PALM2AKAP2: variants seen among roughly 807,000 people sequenced by gnomAD.
The protein encoded by PALM2AKAP2 is PALM2 and AKAP2 fusion, also known as PALM2-AKAP2 fusion protein.
Under a neutral mutation model 71.5 loss-of-function variants are expected in PALM2AKAP2, and 37 were observed. The observed-to-expected ratio is 0.52, with a 90% confidence interval of 0.40 to 0.68. The LOEUF is 0.68. Among genes scored for constraint, PALM2AKAP2 ranks in the 30% least tolerant of loss-of-function variants. The pLI is 0.00. For missense variants in PALM2AKAP2, 1,224 were observed against 1,191.8 expected, an observed-to-expected ratio of 1.03 and a Z score of -0.40; for synonymous variants, 468 against 478.8, an observed-to-expected ratio of 0.98 and a Z score of 0.29.
Position 109,836,478 on chromosome 9 carries a change from T to C in PALM2AKAP2, c.46-31013T>C, listed in dbSNP as rs192515296. On this transcript the variant is annotated intron_variant, in intron 1 of 9. Coordinates refer to the PALM2AKAP2 transcript ENST00000302798. ...ATTCTAAAAATCAGAGTGCCCCTCC[T>C]CCACCAAAGGAATGCAGCTCCTTGC... is the stretch of plus-strand genomic sequence containing the variant. Among the ~76,000 whole-genome samples the C allele has an allele frequency of 2.6e-4, 40 of 152,248 alleles. No individual in the cohort carries two copies. The East Asian group carries it at 7.3e-3, about 28-fold the overall frequency.
At chr9:109,960,836 T>A in intron 6 of PALM2AKAP2, among the ~76,000 whole-genome samples, 1 of 152,174 alleles carries the variant, frequency 6.6e-6, no homozygotes, top group East Asian at 1.9e-4. Flanking sequence ...CCCAAGCAAG[T>A]TTAGCAGCAG....
intron 1 of PALM2AKAP2, among the ~76,000 whole-genome samples, chr9:109,841,430 G>A (rs1477619255): frequency 1.4e-5 from 2 of 143,146 alleles, no homozygotes; most frequent in African/African-American, 2.6e-5. Flanking sequence ...ATGAGTTAAT[G>A]GGTGCAGCAC....
intron 3 of PALM2AKAP2, among the ~76,000 whole-genome samples, chr9:109,906,775 A>T (rs1830455769): frequency 6.6e-6 from 1 of 152,240 alleles, no homozygotes; most frequent in Non-Finnish European, 1.5e-5. Context: ...TCTAGAACAT[A>T]GCCAATCCTA....
chr9:109,816,135 G>T (rs1419759017), intron 1 of PALM2AKAP2, among the ~76,000 whole-genome samples: 1 of 152,178 alleles, frequency 6.6e-6, no homozygotes, highest in African/African-American at 2.4e-5. Flanking sequence ...GCTCAGATAA[G>T]GTTGGAGACC....
intron 1 of PALM2AKAP2, among the ~76,000 whole-genome samples, chr9:109,646,111 T>TA (rs1386470760): frequency 6.6e-6 from 1 of 152,152 alleles, no homozygotes; most frequent in Non-Finnish European, 1.5e-5. Context: ...ACTGGATGTG[T>TA]AGAACAGAGA....
intron 6 of PALM2AKAP2, among the ~76,000 whole-genome samples, chr9:109,968,811 G>A (rs557450040): frequency 6.6e-6 from 1 of 152,164 alleles, no homozygotes; most frequent in South Asian, 2.1e-4. Flanking sequence ...AAGACCCCTG[G>A]AAAGGCTGGC....
chr9:109,670,923 A>G (rs925810125), intron 1 of PALM2AKAP2, among the ~76,000 whole-genome samples: 19 of 152,174 alleles, frequency 1.2e-4, no homozygotes, highest in Non-Finnish European at 1.5e-5. Context: ...TCTTCTTTTG[A>G]AAAATGTCTG....
intron 7 of PALM2AKAP2, among the ~76,000 whole-genome samples, chr9:110,040,070 G>C (rs559376284): frequency 6.6e-6 from 1 of 151,872 alleles, no homozygotes; most frequent in East Asian, 1.9e-4. Flanking sequence ...AGAGAGGAGA[G>C]GGAGAGGGAG....
intron 7 of PALM2AKAP2, among the ~76,000 whole-genome samples, chr9:110,042,148 C>T (rs76235006): frequency 0.026 from 3,984 of 152,220 alleles, 162 homozygotes; most frequent in African/African-American, 0.085. Context: ...CTATGGGGGC[C>T]GGATGCGGTG....
intron 1 of PALM2AKAP2, among the ~76,000 whole-genome samples, chr9:109,835,848 G>A (rs2131558637): frequency 6.6e-6 from 1 of 152,338 alleles, no homozygotes; most frequent in South Asian, 2.1e-4. Flanking sequence ...GCCTGCCATT[G>A]CTGAGGCTTG....
chr9:109,726,553 T>C lies in PALM2AKAP2; in HGVS notation c.6-53935T>C, dbSNP rs140171252. ...CTTCACATTCTTTAACAAATCTCTT[T>C]CCTGCTTAAATTAAATGTTTGCTTT... On this transcript the variant is annotated intron_variant, in intron 1 of 6. Coordinates refer to the PALM2AKAP2 transcript ENST00000374531. 4.6e-5 allele frequency among the ~76,000 whole-genome samples: 7 copies of C among 152,350 alleles called. No individual in the cohort carries two copies. In the East Asian group the frequency reaches 1.4e-3, roughly 29 times the overall value.
At chr9:109,841,873 G>GGAGGGTAGAGAGATAGAGGAGAA (rs1405411661) in intron 1 of PALM2AKAP2, among the ~76,000 whole-genome samples, 11 of 114,118 alleles carry the variant, frequency 9.6e-5, no homozygotes, top group Non-Finnish European at 1.7e-4. Flanking sequence ...GGGATGGAGG[G>GGAGGGTAGAGAGATAGAGGAGAA]GAGGGTAGAG....
chr9:109,721,177 G>A (rs1379671025), intron 1 of PALM2AKAP2, among the ~76,000 whole-genome samples: 1 of 152,212 alleles, frequency 6.6e-6, no homozygotes, highest in African/African-American at 2.4e-5. Context: ...GCTCCCTAGA[G>A]GATTCCCAGC....
intron 1 of PALM2AKAP2, among the ~76,000 whole-genome samples, chr9:109,784,141 G>A (rs895736612): frequency 1.3e-5 from 2 of 152,348 alleles, no homozygotes; most frequent in Non-Finnish European, 2.9e-5. Context: ...AACAGCATGA[G>A]TGAGAATGGT....
In PALM2AKAP2 at chr9:109,640,867, G is replaced by A. The variant is rs901070701; in HGVS notation, c.5+1G>A. ...CCCGGCCGCGGAGCCCCGCGATGGA[G>A]TGAGTATCCCCGAGCCGCGCCGCCA... On this transcript the variant is annotated splice_donor_variant, in intron 1 of 6. Coordinates refer to the PALM2AKAP2 transcript ENST00000374531. LOFTEE classifies it high-confidence loss of function. 5.3e-6 allele frequency: 8 copies of A among 1,518,778 alleles called. No individual in the cohort carries two copies. The highest frequency in any genetic ancestry group is 7.0e-6 in the Non-Finnish European group (8 of 1,140,738). The allele number at this position is 1,518,778 out of a possible 1,614,324, so 94.1% of individuals were successfully genotyped here.
chr9:109,819,358 C>T (rs13297410), intron 1 of PALM2AKAP2, among the ~76,000 whole-genome samples: 26,911 of 152,038 alleles, frequency 0.18, 2,769 homozygotes, highest in East Asian at 0.34. Context: ...GGGCGAGCAA[C>T]AAAGTTGAAA....
chr9:109,702,782 G>T (rs1828082890), intron 1 of PALM2AKAP2, among the ~76,000 whole-genome samples: 1 of 150,302 alleles, frequency 6.7e-6, no homozygotes, highest in South Asian at 2.1e-4. Context: ...AAATCCTTGG[G>T]CATGATGATG....
At chr9:109,998,253 A>G (rs1832611246) in intron 6 of PALM2AKAP2, among the ~76,000 whole-genome samples, 1 of 152,196 alleles carries the variant, frequency 6.6e-6, no homozygotes, top group Admixed American at 6.5e-5. Flanking sequence ...CTTCAGTCCC[A>G]GCTTAGTGGC....
At chr9:110,093,837 C>T (rs888316019) in intron 1 of PALM2AKAP2, among the ~76,000 whole-genome samples, 3 of 152,228 alleles carry the variant, frequency 2.0e-5, no homozygotes, top group African/African-American at 7.2e-5. Context: ...GTTCAGATGA[C>T]AGTTTCTCTG....
Sources: gnomAD v4.1 joint callset for allele counts (sites outside exome capture counted in the v4.1 genomes callset) on GRCh38, gnomAD v4.1.1 for gene constraint, MANE v1.5 for transcripts, NCBI Gene and HGNC (gene_info 2026-07-23, HGNC 2026-07-21) for gene names.